The following SLC8A1 variants were observed in gnomAD, a reference collection of about 807,000 sequenced individuals.
SLC8A1 encodes the protein solute carrier family 8 member A1.
SLC8A1 carries 18 observed loss-of-function variants against 68.3 expected under a neutral mutation model. That is an observed-to-expected ratio of 0.26 (90% confidence interval 0.18 to 0.39). SLC8A1 has a LOEUF of 0.39. Ranked by LOEUF, SLC8A1 falls within the 10% of genes least tolerant of loss-of-function variation. The pLI is 1.00. For synonymous variants in SLC8A1, 475 were observed against 415.5 expected (o/e 1.14, Z -1.74); for missense variants, 985 against 1,156.7 (o/e 0.85, Z 2.15).
chr2:40,255,974 G>A (rs1399985693), intron 2 of SLC8A1, among the ~76,000 whole-genome samples: 1 of 152,180 alleles, frequency 6.6e-6, no homozygotes, highest in African/African-American at 2.4e-5. Flanking sequence ...CCATGGTACA[G>A]AGGTGTCAGT....
intron 1 of SLC8A1, among the ~76,000 whole-genome samples, chr2:40,459,172 CAAATT>C (rs879782262): frequency 1.3e-5 from 2 of 152,072 alleles, no homozygotes; most frequent in Admixed American, 1.3e-4. Context: ...GCAAAATAAA[CAAATT>C]AACACATTGT....
upstream of SLC8A1, among the ~76,000 whole-genome samples, chr2:40,456,838 G>A (rs926460367): frequency 8.5e-5 from 13 of 152,120 alleles, no homozygotes; most frequent in African/African-American, 2.9e-4. Context: ...TGATTATGCT[G>A]TTGTTTTTGT....
intron 2 of SLC8A1, among the ~76,000 whole-genome samples, chr2:40,212,490 G>A (rs949253672): frequency 2.0e-5 from 3 of 151,898 alleles, no homozygotes; most frequent in Admixed American, 2.0e-4. Flanking sequence ...TCGCCATGTT[G>A]GCCAGGATGG....
intron 2 of SLC8A1, among the ~76,000 whole-genome samples, chr2:40,365,572 G>A (rs1365791373): frequency 1.3e-5 from 2 of 152,032 alleles, no homozygotes; most frequent in Non-Finnish European, 2.9e-5. Flanking sequence ...AATCCCATTT[G>A]GAAGCTTTCT....
At chr2:40,443,362 G>A (rs562629513) in intron 1 of SLC8A1, among the ~76,000 whole-genome samples, 30 of 152,218 alleles carry the variant, frequency 2.0e-4, no homozygotes, top group Admixed American at 1.2e-3. Context: ...ACCTACCAGA[G>A]TATTAGAAAA....
rs190897134 is a variant in SLC8A1 at position 40,175,201 on chromosome 2, G to C, written c.1913-359C>G. ...AAGTCACAGAGCTACTGTATCACCT[G>C]ACGGAAATGGAAAATAATCTAGAAA... On this transcript the variant is annotated intron_variant, in intron 3 of 7. Coordinates refer to ENST00000406785, the Ensembl canonical transcript of SLC8A1. 209 of 1,533,406 alleles carry C rather than the reference G, an allele frequency of 1.4e-4. No individual in the cohort carries two copies. In the African/African-American group the frequency reaches 2.5e-3, roughly 19 times the overall value. The allele number at this position is 1,533,406 out of a possible 1,614,324, so 95.0% of individuals were successfully genotyped here. A position where few individuals can be genotyped will look rare whatever the true frequency, so the allele number is the denominator to read the frequency against.
rs578088169 is a variant in SLC8A1 at position 40,167,519 on chromosome 2, A to G, written c.1931-2535T>C. ...GGTATGCAACCAAAGCAGTATGGGA[A>G]TGACAAAAATTAAGAAATATAGTGT... is the stretch of plus-strand genomic sequence containing the variant. On this transcript the variant is annotated intron_variant, in intron 4 of 7. Coordinates refer to ENST00000406785, the Ensembl canonical transcript of SLC8A1. 2.0e-5 allele frequency among the ~76,000 whole-genome samples: 3 copies of G among 152,332 alleles called. No homozygotes were observed. In the South Asian group the frequency reaches 6.2e-4, roughly 32 times the overall value.
chr2:40,302,467 A>G (rs975959478), intron 2 of SLC8A1, among the ~76,000 whole-genome samples: 10 of 141,344 alleles, frequency 7.1e-5, no homozygotes, highest in African/African-American at 2.5e-4. Context: ...GTGTGTGTGT[A>G]TACACACATA....
intron 2 of SLC8A1, among the ~76,000 whole-genome samples, chr2:40,188,198 T>C (rs750786839): frequency 2.0e-5 from 3 of 152,204 alleles, no homozygotes; most frequent in African/African-American, 7.2e-5. Flanking sequence ...GTCAAACTTA[T>C]TAGTTAACAT....
intron 2 of SLC8A1, among the ~76,000 whole-genome samples, chr2:40,239,476 T>C (rs571108967): frequency 6.6e-6 from 1 of 152,308 alleles, no homozygotes; most frequent in African/African-American, 2.4e-5. Context: ...CATTACAGAT[T>C]AGGGAACCAA....
intron 1 of SLC8A1, among the ~76,000 whole-genome samples, chr2:40,505,761 T>G (rs1275053044): frequency 6.6e-6 from 1 of 152,014 alleles, no homozygotes; most frequent in Non-Finnish European, 1.5e-5. Context: ...GTACTGGTGT[T>G]AAAGATGTCA....
chr2:40,297,111 C>G (rs1413367092), intron 2 of SLC8A1, among the ~76,000 whole-genome samples: 1 of 152,130 alleles, frequency 6.6e-6, no homozygotes, highest in Non-Finnish European at 1.5e-5. Context: ...CCACTAGGCA[C>G]TGTGTCAAAA....
At chr2:40,509,051 T>G (rs1706539386) in intron 1 of SLC8A1, among the ~76,000 whole-genome samples, 1 of 152,204 alleles carries the variant, frequency 6.6e-6, no homozygotes, top group African/African-American at 2.4e-5. Context: ...CAGTACCAAG[T>G]GCCTCTTGAA....
At chr2:40,463,094 T>C (rs1703440215) in intron 1 of SLC8A1, among the ~76,000 whole-genome samples, 1 of 152,160 alleles carries the variant, frequency 6.6e-6, no homozygotes, top group East Asian at 1.9e-4. Context: ...TTGTGGTAAG[T>C]GGCAGCAAGA....
intron 6 of SLC8A1, among the ~76,000 whole-genome samples, chr2:40,145,816 C>G (rs1369264140): frequency 6.6e-6 from 1 of 152,204 alleles, no homozygotes; most frequent in Non-Finnish European, 1.5e-5. Context: ...TACTGTCTTG[C>G]TCATAAAATG....
intron 1 of SLC8A1, among the ~76,000 whole-genome samples, chr2:40,432,509 A>C (rs958080385): frequency 2.0e-5 from 3 of 148,974 alleles, no homozygotes; most frequent in African/African-American, 5.0e-5. Flanking sequence ...ACACTTGAGC[A>C]AAGTCCTGAA....
At chr2:40,461,384 C>T (rs536162941) in intron 1 of SLC8A1, among the ~76,000 whole-genome samples, 65 of 152,232 alleles carry the variant, frequency 4.3e-4, no homozygotes, top group Middle Eastern at 3.4e-3. Context: ...TCCTTTGCAA[C>T]GTGGATTTAC....
chr2:40,262,849 T>C (rs2064885722), intron 2 of SLC8A1, among the ~76,000 whole-genome samples: 1 of 152,142 alleles, frequency 6.6e-6, no homozygotes, highest in Non-Finnish European at 1.5e-5. Context: ...CATATTTAGC[T>C]CTCCTCCCAC....
At chr2:40,393,235 G>A (rs538027794) in intron 2 of SLC8A1, among the ~76,000 whole-genome samples, 6 of 152,066 alleles carry the variant, frequency 3.9e-5, no homozygotes, top group Non-Finnish European at 5.9e-5. Context: ...ACAATGATTA[G>A]AACACACTTC....
Sources: gnomAD v4.1 joint callset for allele counts (sites outside exome capture counted in the v4.1 genomes callset) on GRCh38, gnomAD v4.1.1 for gene constraint, MANE v1.5 for transcripts, NCBI Gene and HGNC (gene_info 2026-07-23, HGNC 2026-07-21) for gene names.